APBA1: variants seen among roughly 807,000 people sequenced by gnomAD.
The protein encoded by APBA1 is amyloid beta precursor protein binding family A member 1, also known as amyloid-beta A4 precursor protein-binding family A member 1.
APBA1 carries 55 observed loss-of-function variants against 86.6 expected under a neutral mutation model. That is an observed-to-expected ratio of 0.64 (90% CI 0.51 to 0.80). APBA1 has a LOEUF of 0.80. APBA1 is among the 30% of genes least tolerant of loss of function. The pLI, the probability that APBA1 is intolerant of heterozygous loss-of-function variation, is 0.00. For missense variants in APBA1, 1,090 were observed against 1,183.0 expected (o/e 0.92, Z 1.15); for synonymous variants, 511 against 493.9 (o/e 1.03, Z -0.46).
intron 11 of APBA1, among the ~76,000 whole-genome samples, chr9:69,439,425 T>C (rs1021624359): frequency 1.3e-5 from 2 of 152,172 alleles, no homozygotes; most frequent in Non-Finnish European, 2.9e-5. Context: ...CAATCAGACG[T>C]AGATTTGGTC....
At chr9:69,648,483 T>C (rs1228124097) in intron 1 of APBA1, among the ~76,000 whole-genome samples, 2 of 152,202 alleles carry the variant, frequency 1.3e-5, no homozygotes, top group East Asian at 1.9e-4. Flanking sequence ...ATTGATAAAA[T>C]ACTTATACTT....
At chr9:69,477,029 T>C (rs1564048264) in intron 2 of APBA1, among the ~76,000 whole-genome samples, 1 of 152,212 alleles carries the variant, frequency 6.6e-6, no homozygotes, top group South Asian at 2.1e-4. Context: ...CCAAACATTG[T>C]TGTGTGCTTC....
chr9:69,582,075 C>T (rs543983587), intron 1 of APBA1, among the ~76,000 whole-genome samples: 29 of 152,154 alleles, frequency 1.9e-4, no homozygotes, highest in Non-Finnish European at 3.5e-4. Context: ...TTAGTGATTA[C>T]CAAGTTATTT....
intron 2 of APBA1, among the ~76,000 whole-genome samples, chr9:69,514,123 T>C (rs1385575226): frequency 6.6e-6 from 1 of 152,242 alleles, no homozygotes; most frequent in East Asian, 1.9e-4. Flanking sequence ...TCTTAGGTAT[T>C]TCAAAAATGG....
chr9:69,668,686 T>A (rs1201055784), intron 1 of APBA1, among the ~76,000 whole-genome samples: 1 of 152,122 alleles, frequency 6.6e-6, no homozygotes, highest in Non-Finnish European at 1.5e-5. Flanking sequence ...TGAACAAACC[T>A]CTCTTTCTTG....
chr9:69,486,588 G>A (rs1258057094), intron 2 of APBA1, among the ~76,000 whole-genome samples: 4 of 152,030 alleles, frequency 2.6e-5, no homozygotes, highest in Non-Finnish European at 5.9e-5. Context: ...GGGGAGGGGT[G>A]TGCATCAGGC....
At position 69,598,693 on chromosome 9, in the gene APBA1, A is replaced by C. The variant is rs1822285023; in HGVS notation, c.-70+73460T>G. Among the ~76,000 whole-genome samples the C allele has an allele frequency of 2.0e-5, 3 of 152,130 alleles. No individual in the cohort carries two copies. The South Asian group carries it at 6.2e-4, about 32-fold the overall frequency. ...CCAGCTCTGCCTAAGGGCCTACAAG[A>C]GGACAAGGTTCTTGTAGGAATAGGA... On this transcript the variant is annotated intron_variant, in intron 1 of 12. Transcript: ENST00000265381.
At chr9:69,572,518 G>C (rs1264427136) in intron 1 of APBA1, among the ~76,000 whole-genome samples, 1 of 152,154 alleles carries the variant, frequency 6.6e-6, no homozygotes, top group East Asian at 1.9e-4. Flanking sequence ...CATGTGTATT[G>C]TTCCCTTTCT....
intron 1 of APBA1, among the ~76,000 whole-genome samples, chr9:69,602,338 G>A (rs1345283897): frequency 2.0e-5 from 3 of 152,056 alleles, no homozygotes; most frequent in Non-Finnish European, 2.9e-5. Context: ...TTGGGAGGAC[G>A]AGGCGGGCGG....
Position 69,517,109 on chromosome 9 carries a change from C to A in APBA1, c.102G>T (p.Val34=), listed in dbSNP as rs752939828. The change falls in exon 2 of 13, where the codon GTG becomes GTT. Residue 34 remains valine, a synonymous_variant. Transcript: ENST00000265381. ...SVEADLEHPE[V]EEEQQQPPQQ... is the part of the protein sequence containing the mutation. Reference sequence around the variant, plus strand: ...GCGGCGGCTGCTGCTGTTCCTCTTCCACCTCGGGGTGCTCCAGGTCGGCCT... The same window carrying A: ...GCGGCGGCTGCTGCTGTTCCTCTTCAACCTCGGGGTGCTCCAGGTCGGCCT... The A allele has an allele frequency of 3.5e-5, 55 of 1,576,288 alleles. No homozygotes were observed.
chr9:69,509,121 G>T (rs1835985806), intron 2 of APBA1, among the ~76,000 whole-genome samples: 1 of 151,982 alleles, frequency 6.6e-6, no homozygotes, highest in Admixed American at 6.5e-5. Context: ...AAAAATTAAT[G>T]AATCCAGGAG....
chr9:69,523,928 A>C (rs1836303421), intron 1 of APBA1, among the ~76,000 whole-genome samples: 2 of 152,194 alleles, frequency 1.3e-5, no homozygotes, highest in Non-Finnish European at 2.9e-5. Flanking sequence ...AATACCAAGA[A>C]GATCTCTCAA....
Position 69,634,116 on chromosome 9 carries a change from A to C in APBA1, c.-70+38037T>G, listed in dbSNP as rs113841244. ...AAATATCTGGTTATAACTTCATATC[A>C]GTGAAAGAGGCACTGAAGAGGGTAG... is the stretch of plus-strand genomic sequence containing the variant. On this transcript the variant is annotated intron_variant, in intron 1 of 12. Coordinates refer to ENST00000265381, the MANE Select transcript of APBA1 (RefSeq NM_001163.4). Among the ~76,000 whole-genome samples the C allele has an allele frequency of 2.7e-3, 404 of 152,352 alleles. 1 individual carries two copies. Among genetic ancestry groups the C allele is most frequent in the African/African-American group, 9.0e-3 (376 of 41,584 alleles).
At chr9:69,439,634 C>A (rs753650069) in intron 11 of APBA1, among the ~76,000 whole-genome samples, 17 of 152,324 alleles carry the variant, frequency 1.1e-4, no homozygotes, top group South Asian at 4.2e-4. Context: ...TCAGCTCCAT[C>A]AGGTCCTTTA....
intron 9 of APBA1, 108 bp downstream of exon 9, chr9:69,452,014 G>T: frequency 9.7e-7 from 1 of 1,033,280 alleles, no homozygotes; most frequent in Non-Finnish European, 1.5e-6. Context: ...CTGCCAATAC[G>T]GCACTCCTCA....
chr9:69,620,465 G>T (rs1053165310), intron 1 of APBA1, among the ~76,000 whole-genome samples: 1 of 152,142 alleles, frequency 6.6e-6, no homozygotes. Flanking sequence ...CAGATCTGAG[G>T]TCAGGAGTTC....
In APBA1 at chr9:69,516,178, C is replaced by T. The variant is rs992466775; in HGVS notation, c.1033G>A (p.Ala345Thr). Reference protein sequence around the residue: ...GQRYSKEKRDAISLAIKDIKE... With the variant: ...GQRYSKEKRDTISLAIKDIKE... ...ATGTCCTTGATGGCCAGCGAGATGGCATCGCGCTTCTCCTTGCTGTACCGC... is the reference window on the plus strand; with the variant it reads ...ATGTCCTTGATGGCCAGCGAGATGGTATCGCGCTTCTCCTTGCTGTACCGC... Residue 345 changes from alanine (A) to threonine (T), a missense_variant, in exon 2 of 13, where the codon GCC (alanine) becomes ACC (threonine). Coordinates refer to ENST00000265381, the MANE Select transcript of APBA1 (RefSeq NM_001163.4). The surrounding 1 kb of genome is among the most constrained non-coding windows in gnomAD (Gnocchi z 7.3). 22 of 1,610,086 alleles carry T rather than the reference C, an allele frequency of 1.4e-5. No individual in the cohort carries two copies. The highest frequency in any genetic ancestry group is 1.8e-5 in the Non-Finnish European group (21 of 1,178,366).
At chr9:69,589,240 G>C (rs1822080728) in intron 1 of APBA1, among the ~76,000 whole-genome samples, 1 of 152,226 alleles carries the variant, frequency 6.6e-6, no homozygotes, top group South Asian at 2.1e-4. Context: ...ATAGGCATGA[G>C]CCACTGCTCC....
At chr9:69,553,979 T>G (rs1200791103) in intron 1 of APBA1, among the ~76,000 whole-genome samples, 1 of 152,272 alleles carries the variant, frequency 6.6e-6, no homozygotes, top group Non-Finnish European at 1.5e-5. Context: ...AGAGACCCCC[T>G]TGAGCCATCT....
Sources: allele counts gnomAD v4.1 joint callset (sites outside exome capture counted in the v4.1 genomes callset), GRCh38; gene constraint gnomAD v4.1.1; non-coding constraint Gnocchi (gnomAD v3.1); transcripts MANE v1.5; gene names NCBI Gene and HGNC (gene_info 2026-07-23, HGNC 2026-07-21).